ZNF423: variants seen among roughly 807,000 people sequenced by gnomAD.
The protein encoded by ZNF423 is Ebf-associated zinc finger protein.
A neutral mutation model predicts 95.8 loss-of-function variants in ZNF423; 12 were observed. The observed-to-expected ratio is 0.13, with a 90% CI of 0.08 to 0.20. The LOEUF is 0.20. Ranked by LOEUF, ZNF423 falls within the 10% of genes least tolerant of loss-of-function variation. The probability of loss-of-function intolerance (pLI) is 1.00; values close to 1 mark genes in which losing one functional copy is unlikely to be tolerated. For missense variants in ZNF423, 1,316 were observed against 1,737.1 expected (o/e 0.76, Z 4.31); for synonymous variants, 749 against 711.9 (o/e 1.05, Z -0.83).
intron 5 of ZNF423, among the ~76,000 whole-genome samples, chr16:49,568,484 C>T (rs1865575690): frequency 1.3e-5 from 2 of 152,104 alleles, no homozygotes; most frequent in African/African-American, 4.8e-5. Flanking sequence ...AGGGTTCCAG[C>T]TCTTGCAACT....
intron 3 of ZNF423, among the ~76,000 whole-genome samples, chr16:49,679,283 G>C (rs2031251199): frequency 6.6e-6 from 1 of 152,216 alleles, no homozygotes; most frequent in Non-Finnish European, 1.5e-5. Context: ...CCGTGGAGCT[G>C]GCGGGAGCCG....
chr16:49,626,219 G>T lies in ZNF423; in HGVS notation c.3552C>A (p.Thr1184=). ...TTTGGATCTCTCTCTCGTTCTCGAAGGTCATCTGGCACTTGATGCACTGGT... is the reference window on the plus strand; with the variant it reads ...TTTGGATCTCTCTCTCGTTCTCGAATGTCATCTGGCACTTGATGCACTGGT... The part of the protein sequence containing the change: ...KTYQCIKCQM[T]FENEREIQIH... Residue 1184 remains threonine (T), a synonymous_variant, in exon 5 of 8, where the codon ACC becomes ACA. Transcript: ENST00000563137. The T allele has an allele frequency of 6.2e-7, 1 of 1,614,064 alleles. No individual in the cohort carries two copies. Among genetic ancestry groups the T allele is most frequent in the African/African-American group, 1.3e-5 (1 of 75,042 alleles).
At chr16:49,843,484 A>G (rs1167269772) in intron 1 of ZNF423, among the ~76,000 whole-genome samples, 2 of 152,180 alleles carry the variant, frequency 1.3e-5, no homozygotes, top group Non-Finnish European at 1.5e-5. Flanking sequence ...AGTGCCTAGG[A>G]TGATACTGAT....
intron 2 of ZNF423, among the ~76,000 whole-genome samples, chr16:49,761,262 G>A (rs1427217449): frequency 1.3e-5 from 2 of 152,118 alleles, no homozygotes; most frequent in Non-Finnish European, 2.9e-5. Flanking sequence ...CACAACACTG[G>A]GCACCATAGC....
Position 49,636,607 on chromosome 16 carries a change from C to T in ZNF423, c.2569G>A (p.Ala857Thr), listed in dbSNP as rs370557417. The T allele has an allele frequency of 4.0e-5, 64 of 1,613,744 alleles. No individual in the cohort carries two copies. The highest frequency in any genetic ancestry group is 5.3e-5 in the Non-Finnish European group (63 of 1,179,930). The change falls in exon 4 of 8, where the codon GCC becomes ACC. Residue 857 changes from alanine (A) to threonine (T), a missense_variant. By Grantham distance (58) the Ala-to-Thr change is moderately conservative. Around this residue, in one of 6 missense-constraint regions of ZNF423, gnomAD observed 620 missense variants for 775.6 expected, o/e 0.80. Coordinates refer to ENST00000563137, the MANE Select transcript of ZNF423 (RefSeq NM_001379286.1). The surrounding 1 kb of genome is among the most constrained non-coding windows in gnomAD (Gnocchi z 8.6). Reference sequence around the variant, plus strand: ...TCAGCAGGCTCAGCTTTCTTGGTGGCCATTGGGGGTACCCCATTGGCCGTG... The same window carrying T: ...TCAGCAGGCTCAGCTTTCTTGGTGGTCATTGGGGGTACCCCATTGGCCGTG... The part of the protein sequence containing the change: ...NGTANGVPPM[A>T]TKKAEPADLQ...
At chr16:49,843,990 A>G (rs964359767) in intron 1 of ZNF423, among the ~76,000 whole-genome samples, 2 of 152,184 alleles carry the variant, frequency 1.3e-5, no homozygotes, top group African/African-American at 2.4e-5. Flanking sequence ...TGAGTTGAAC[A>G]TTCTGTTTTA....
intron 6 of ZNF423, 84 bp from the exon 7 acceptor site, chr16:49,523,823 C>G (rs999617018): frequency 9.1e-7 from 1 of 1,103,124 alleles, no homozygotes; most frequent in African/African-American, 1.5e-5. Context: ...CACTCGCAGG[C>G]AGGGATCACT....
Position 49,518,171 on chromosome 16 carries a change from T to C in ZNF423, c.3849+5453A>G, listed in dbSNP as rs971938680. Reference sequence around the variant, plus strand: ...TTATGTCACTAAGATATTTGCATCCTTGGAATCTACATAACCTGTGTTGAC... The same window carrying C: ...TTATGTCACTAAGATATTTGCATCCCTGGAATCTACATAACCTGTGTTGAC... On this transcript the variant is annotated intron_variant, in intron 7 of 7. Transcript: ENST00000563137. 1.3e-5 allele frequency: 5 copies of C among 385,790 alleles called. No homozygotes were observed. The East Asian group carries it at 2.2e-4, about 17-fold the overall frequency. 23.9% of individuals were successfully genotyped at this position (385,790 alleles called of 1,614,324 possible).
At chr16:49,505,525 C>T (rs1193546070) in intron 7 of ZNF423, among the ~76,000 whole-genome samples, 1 of 151,938 alleles carries the variant, frequency 6.6e-6, no homozygotes, top group Non-Finnish European at 1.5e-5. Context: ...CCCCTCATGG[C>T]CCAGCCCCCT....
chr16:49,794,655 T>C (rs1283118085), intron 1 of ZNF423, among the ~76,000 whole-genome samples: 1 of 152,186 alleles, frequency 6.6e-6, no homozygotes, highest in Admixed American at 6.6e-5. Context: ...TCCTGCCCCA[T>C]GGTCTACCAG....
chr16:49,703,605 G>A (rs960897668), intron 3 of ZNF423, among the ~76,000 whole-genome samples: 9 of 152,212 alleles, frequency 5.9e-5, no homozygotes, highest in African/African-American at 1.9e-4. Context: ...CTCTCCCAAG[G>A]CCCCTCACAG....
intron 1 of ZNF423, among the ~76,000 whole-genome samples, chr16:49,818,701 A>C (rs2034893520): frequency 6.6e-6 from 1 of 151,840 alleles, no homozygotes; most frequent in Non-Finnish European, 1.5e-5. Context: ...ACCTGGGCAA[A>C]ATAGAGAGAT....
At chr16:49,641,336 G>A (rs1972969087) in intron 3 of ZNF423, among the ~76,000 whole-genome samples, 1 of 152,200 alleles carries the variant, frequency 6.6e-6, no homozygotes, top group African/African-American at 2.4e-5. Context: ...GAAGGGGAGA[G>A]GCCCACGTGT....
chr16:49,542,303 G>A (rs371041031), intron 5 of ZNF423, among the ~76,000 whole-genome samples: 19 of 152,198 alleles, frequency 1.2e-4, no homozygotes, highest in East Asian at 1.2e-3. Context: ...GAATGGACAG[G>A]CCAATTTTCA....
intron 2 of ZNF423, among the ~76,000 whole-genome samples, chr16:49,767,808 ACGC>A (rs1217684480): frequency 6.6e-6 from 1 of 152,160 alleles, no homozygotes; most frequent in Non-Finnish European, 1.5e-5. Context: ...CCAGGCCAAT[ACGC>A]ACTGTCTGCC....
rs531287747 is a variant in ZNF423, at chr16:49,571,612, T to A, written c.3602-46118A>T. ...ACTGAGGGTCTCTACCTAAGGACAA[T>A]GGGAGCGACTGAAGGCTCCAGACAG... On this transcript the variant is annotated intron_variant, in intron 5 of 7. Coordinates refer to ENST00000563137, the MANE Select transcript of ZNF423 (RefSeq NM_001379286.1). 2.6e-5 allele frequency among the ~76,000 whole-genome samples: 4 copies of A among 152,246 alleles called. No homozygotes were observed. In the East Asian group the frequency reaches 7.7e-4, roughly 29 times the overall value.
At chr16:49,819,174 C>T (rs1017344215) in intron 1 of ZNF423, among the ~76,000 whole-genome samples, 4 of 140,708 alleles carry the variant, frequency 2.8e-5, no homozygotes, top group African/African-American at 2.7e-5. Context: ...GGCGTGAACC[C>T]GGGAGGCGGA....
rs1972602297 is a variant in ZNF423 at position 49,634,204 on chromosome 16, C to CA, written c.3516+1455_3516+1456insT. The stretch of plus-strand genomic sequence containing the variant: ...TACAGGCGTGAGCCACCACACCTGG[C>CA]TTTTTTTTTTTTTTTTTTTTAAGGA... On this transcript the variant is annotated intron_variant, in intron 4 of 7. Transcript: ENST00000563137. 7.9e-5 allele frequency among the ~76,000 whole-genome samples: 9 copies of CA among 114,242 alleles called. No individual in the cohort carries two copies. The South Asian group carries it at 1.5e-3, about 19-fold the overall frequency. The allele number at this position is 114,242 out of a possible 152,430, so 74.9% of individuals were successfully genotyped here. A position where few individuals can be genotyped will look rare whatever the true frequency, so the allele number is the denominator to read the frequency against.
intron 2 of ZNF423, among the ~76,000 whole-genome samples, chr16:49,762,027 G>T (rs934934696): frequency 4.6e-5 from 7 of 152,228 alleles, no homozygotes; most frequent in African/African-American, 1.7e-4. Flanking sequence ...GCCCAGGATG[G>T]TCTCAAACTC....
Sources: gnomAD v4.1 joint callset for allele counts (sites outside exome capture counted in the v4.1 genomes callset) on GRCh38, gnomAD v4.1.1 for gene constraint, gnomAD v4.1.1 regional missense constraint, Gnocchi (gnomAD v3.1) non-coding constraint, MANE v1.5 for transcripts, NCBI Gene and HGNC (gene_info 2026-07-23, HGNC 2026-07-21) for gene names.